Variants in GLCE observed in about 807,000 individuals in gnomAD.
The protein encoded by GLCE is D-glucuronyl C5-epimerase.
Under a neutral mutation model 47.9 loss-of-function variants are expected in GLCE, and 19 were observed. The observed-to-expected ratio is 0.40, with a 90% CI of 0.28 to 0.58. The LOEUF is 0.58. GLCE is among the 20% of genes least tolerant of loss of function. The pLI, the probability that GLCE is intolerant of heterozygous loss-of-function variation, is 0.48. For missense variants in GLCE, 556 were observed against 743.3 expected, an observed-to-expected ratio of 0.75 and a Z score of 2.93; for synonymous variants, 245 against 263.4, an observed-to-expected ratio of 0.93 and a Z score of 0.68.
chr15:69,168,755 C>T (rs1566945270), intron 1 of GLCE, among the ~76,000 whole-genome samples: 1 of 152,274 alleles, frequency 6.6e-6, no homozygotes, highest in East Asian at 1.9e-4. Context: ...TGGTCTCAAA[C>T]TCCCGACCTC....
At chr15:69,206,190 G>C (rs2052149643) in intron 1 of GLCE, among the ~76,000 whole-genome samples, 1 of 151,938 alleles carries the variant, frequency 6.6e-6, no homozygotes, top group South Asian at 2.1e-4. Flanking sequence ...ATTTTGCAGA[G>C]TGTCTCTCAA....
Position 69,251,078 on chromosome 15 carries a change from C to T in GLCE, c.-13-4716C>T, listed in dbSNP as rs556706938. 1.1e-4 allele frequency among the ~76,000 whole-genome samples: 17 copies of T among 152,168 alleles called. 1 individual carries two copies. Among genetic ancestry groups the T allele is most frequent in the Admixed American group, 1.1e-3 (17 of 15,288 alleles). ...CCCCTCCTTTTTTATTTTCATATCA[C>T]TTATTGAGTTGAGGAGACAGGACCA... On this transcript the variant is annotated intron_variant, in intron 2 of 4. Transcript: ENST00000261858.
At chr15:69,230,556 C>G (rs1009331724) in intron 2 of GLCE, among the ~76,000 whole-genome samples, 3 of 152,148 alleles carry the variant, frequency 2.0e-5, no homozygotes, top group Non-Finnish European at 2.9e-5. Flanking sequence ...ATGATTTATC[C>G]TTGTTACATT....
At chr15:69,168,225 G>GA (rs1467759494) in intron 1 of GLCE, among the ~76,000 whole-genome samples, 6 of 152,054 alleles carry the variant, frequency 3.9e-5, no homozygotes. Context: ...TTGAGCCTAG[G>GA]AGTTTGAGAT....
chr15:69,173,882 G>C (rs2051622995), intron 1 of GLCE, among the ~76,000 whole-genome samples: 1 of 152,096 alleles, frequency 6.6e-6, no homozygotes, highest in Admixed American at 6.5e-5. Context: ...TTTTGAGACA[G>C]GGTCTTACTC....
chr15:69,216,522 A>G (rs2140382808), intron 2 of GLCE, among the ~76,000 whole-genome samples: 1 of 152,258 alleles, frequency 6.6e-6, no homozygotes, highest in Non-Finnish European at 1.5e-5. Context: ...TTTCAGTGGT[A>G]GTTTTCTACC....
At chr15:69,213,985 T>C (rs1400751393) in intron 2 of GLCE, among the ~76,000 whole-genome samples, 1 of 152,128 alleles carries the variant, frequency 6.6e-6, no homozygotes, top group Admixed American at 6.6e-5. Flanking sequence ...TGGGAGCGCT[T>C]TTCAACACGT....
At chr15:69,259,283 G>A (rs745785806) in intron 3 of GLCE, among the ~76,000 whole-genome samples, 1 of 152,066 alleles carries the variant, frequency 6.6e-6, no homozygotes, top group African/African-American at 2.4e-5. Context: ...TGTTAGAGAT[G>A]TTTCTTCAAT....
chr15:69,214,692 C>T (rs940415360), intron 2 of GLCE, among the ~76,000 whole-genome samples: 1 of 151,868 alleles, frequency 6.6e-6, no homozygotes, highest in African/African-American at 2.4e-5. Flanking sequence ...CATGCTGATA[C>T]CTTCAACTCC....
chr15:69,261,464 T>G, intron 4 of GLCE, 135 bp downstream of exon 4: 1 of 804,600 alleles, frequency 1.2e-6, no homozygotes, highest in Non-Finnish European at 2.0e-6. Flanking sequence ...TAACAAATGG[T>G]GTCACCCCAA....
chr15:69,230,212 TAA>T (rs34749707), intron 2 of GLCE, among the ~76,000 whole-genome samples: 95 of 138,094 alleles, frequency 6.9e-4, no homozygotes, highest in East Asian at 1.0e-3. Context: ...CATCTCGATT[TAA>T]AAAAAAAAAA....
chr15:69,236,140 T>G (rs1240782531), intron 2 of GLCE, among the ~76,000 whole-genome samples: 1 of 152,218 alleles, frequency 6.6e-6, no homozygotes, highest in Non-Finnish European at 1.5e-5. Context: ...TGTGTTCCAT[T>G]GTATGGATGA....
At chr15:69,265,054 T>G (rs8042748) in intron 4 of GLCE, among the ~76,000 whole-genome samples, 27,095 of 151,998 alleles carry the variant, frequency 0.18, 3,131 homozygotes, top group African/African-American at 0.33. Flanking sequence ...CCACTTGTTT[T>G]TCTGTGCCCC....
At chr15:69,167,491 G>A (rs192788396) in intron 1 of GLCE, among the ~76,000 whole-genome samples, 19 of 152,278 alleles carry the variant, frequency 1.2e-4, no homozygotes, top group Admixed American at 2.6e-4. Context: ...ACAGTTTACT[G>A]ATCTTATGCC....
chr15:69,203,487 T>C (rs1245635065), intron 1 of GLCE, among the ~76,000 whole-genome samples: 1 of 152,112 alleles, frequency 6.6e-6, no homozygotes. Flanking sequence ...CATGGAGCAG[T>C]AAGCATACAG....
chr15:69,170,313 TGTAAG>T (rs1325320441), intron 1 of GLCE, among the ~76,000 whole-genome samples: 1 of 152,146 alleles, frequency 6.6e-6, no homozygotes, highest in South Asian at 2.1e-4. Context: ...TCAGATGTCT[TGTAAG>T]GTAAAATATA....
At chr15:69,161,831 G>T (rs769554428) in intron 1 of GLCE, among the ~76,000 whole-genome samples, 6 of 152,178 alleles carry the variant, frequency 3.9e-5, no homozygotes, top group Admixed American at 6.5e-5. Context: ...TTGGTCTGCA[G>T]GTTCTTTAGG....
intron 2 of GLCE, among the ~76,000 whole-genome samples, chr15:69,228,522 T>A (rs550166644): frequency 1.3e-5 from 2 of 152,188 alleles, no homozygotes; most frequent in African/African-American, 4.8e-5. Context: ...AACTACTTGA[T>A]AAAATCAAAA....
intron 1 of GLCE, among the ~76,000 whole-genome samples, chr15:69,199,011 G>T (rs565622405): frequency 1.4e-3 from 219 of 152,244 alleles, no homozygotes; most frequent in African/African-American, 5.1e-3. Context: ...TGCTTAACTT[G>T]TTGAATGAAT....
Sources: allele counts gnomAD v4.1 joint callset (sites outside exome capture counted in the v4.1 genomes callset), GRCh38; gene constraint gnomAD v4.1.1; transcripts MANE v1.5; gene names NCBI Gene and HGNC (gene_info 2026-07-23, HGNC 2026-07-21).